Variants in LPP observed in about 807,000 individuals in gnomAD.
LPP encodes lipoma-preferred partner.
A neutral mutation model predicts 60.4 loss-of-function variants in LPP; 38 were observed. The observed-to-expected ratio is 0.63, with a 90% CI of 0.49 to 0.83. The LOEUF is 0.83. Ranked by LOEUF, LPP falls within the 40% of genes least tolerant of loss-of-function variation. The probability of loss-of-function intolerance (pLI) is 0.00; values close to 1 mark genes in which losing one functional copy is unlikely to be tolerated. For missense variants in LPP, 902 were observed against 783.6 expected, an observed-to-expected ratio of 1.15 and a Z score of -1.80; for synonymous variants, 328 against 290.8, an observed-to-expected ratio of 1.13 and a Z score of -1.30.
At chr3:188,295,367 C>T (rs1747514963) in intron 2 of LPP, among the ~76,000 whole-genome samples, 2 of 152,166 alleles carry the variant, frequency 1.3e-5, no homozygotes, top group South Asian at 2.1e-4. Flanking sequence ...GTAATTCTAA[C>T]AATCCTCAGG....
intron 2 of LPP, among the ~76,000 whole-genome samples, chr3:188,289,979 G>T (rs1467555088): frequency 6.6e-6 from 1 of 151,606 alleles, no homozygotes; most frequent in African/African-American, 2.4e-5. Flanking sequence ...TCTTGGAAGT[G>T]CTCATAAACA....
intron 7 of LPP, among the ~76,000 whole-genome samples, chr3:188,671,924 T>G (rs527533194): frequency 1.3e-5 from 2 of 152,354 alleles, no homozygotes; most frequent in South Asian, 4.1e-4. Context: ...TTACTGCATT[T>G]GTGGAGCATC....
chr3:188,726,080 AACTC>A (rs1485981438), intron 8 of LPP, among the ~76,000 whole-genome samples: 1 of 152,164 alleles, frequency 6.6e-6, no homozygotes, highest in African/African-American at 2.4e-5. Flanking sequence ...AAAGTGTGGA[AACTC>A]CATGAAGGGT....
intron 2 of LPP, among the ~76,000 whole-genome samples, chr3:188,321,929 T>A (rs1188133988): frequency 6.6e-6 from 1 of 152,198 alleles, no homozygotes; most frequent in African/African-American, 2.4e-5. Context: ...ATGAAGAACA[T>A]TGATCCAAGT....
rs115486242 is a variant in LPP, at chr3:188,537,636, G to A, written c.429+12849G>A. On this transcript the variant is annotated intron_variant, in intron 6 of 11. Coordinates refer to ENST00000617246, the MANE Select transcript of LPP (RefSeq NM_001375462.1). ...AATCTATGGAAAGACATCTTCTGTT[G>A]ATTAGTTGCAAGATGTAATATTGTT... 2.5e-3 allele frequency among the ~76,000 whole-genome samples: 377 copies of A among 152,248 alleles called. 4 individuals are homozygous for A. Among genetic ancestry groups the A allele is most frequent in the African/African-American group, 8.7e-3 (362 of 41,556 alleles).
chr3:188,577,864 C>T (rs1403761660), intron 6 of LPP, among the ~76,000 whole-genome samples: 1 of 121,032 alleles, frequency 8.3e-6, no homozygotes. Context: ...TCTCTCTTTT[C>T]CTCTCCCCCT....
At chr3:188,231,112 T>C (rs1222597933) in intron 2 of LPP, among the ~76,000 whole-genome samples, 11 of 152,200 alleles carry the variant, frequency 7.2e-5, no homozygotes, top group African/African-American at 2.7e-4. Flanking sequence ...TCACAGTCTT[T>C]TTATAAGTTA....
chr3:188,159,681 A>G (rs1717612461), intron 1 of LPP, among the ~76,000 whole-genome samples: 2 of 152,186 alleles, frequency 1.3e-5, no homozygotes, highest in South Asian at 4.1e-4. Flanking sequence ...GACTGTTTTT[A>G]CTGCCCCAGA....
intron 6 of LPP, among the ~76,000 whole-genome samples, chr3:188,554,599 C>T (rs1008022467): frequency 3.9e-4 from 60 of 152,158 alleles, no homozygotes; most frequent in African/African-American, 1.4e-3. Context: ...CTTTCTAGTC[C>T]AGCACAGCTG....
chr3:188,628,692 C>T (rs1847303134), intron 7 of LPP, among the ~76,000 whole-genome samples: 1 of 152,028 alleles, frequency 6.6e-6, no homozygotes, highest in African/African-American at 2.4e-5. Flanking sequence ...TTGCTGGTAC[C>T]AATCGTACTA....
chr3:188,212,038 T>C (rs1324624851), intron 1 of LPP, among the ~76,000 whole-genome samples: 2 of 152,118 alleles, frequency 1.3e-5, no homozygotes, highest in Non-Finnish European at 2.9e-5. Flanking sequence ...TTTGTATTTT[T>C]AGTAGAGACC....
chr3:188,747,153 C>G (rs998592658), intron 8 of LPP, among the ~76,000 whole-genome samples: 4 of 152,134 alleles, frequency 2.6e-5, no homozygotes, highest in African/African-American at 9.7e-5. Context: ...TTTCATTGGT[C>G]CAGAAAGTGT....
intron 1 of LPP, among the ~76,000 whole-genome samples, chr3:188,160,484 G>GTT (rs1470491026): frequency 6.6e-6 from 1 of 152,268 alleles, no homozygotes; most frequent in East Asian, 1.9e-4. Flanking sequence ...GTGAACCACT[G>GTT]TGCCCAGCCC....
intron 8 of LPP, among the ~76,000 whole-genome samples, chr3:188,753,081 G>A (rs951279302): frequency 2.6e-5 from 4 of 152,126 alleles, no homozygotes; most frequent in Non-Finnish European, 5.9e-5. Flanking sequence ...AGAAACATGT[G>A]CTGATTGAGA....
chr3:188,696,222 A>ACTCTCTCT lies in LPP; in HGVS notation c.1114-12032_1114-12025dup, dbSNP rs147482649. On this transcript the variant is annotated intron_variant, in intron 7 of 11. Transcript: ENST00000617246. ...AATTCAAGCTCTTTAAGCACACAGT[A>ACTCTCTCT]CTCTCTCTCTCTCTCTCTCTGTCTC... 1.3e-3 allele frequency among the ~76,000 whole-genome samples: 196 copies of ACTCTCTCT among 148,850 alleles called. 1 individual carries two copies. The highest frequency in any genetic ancestry group is 2.3e-3 in the Non-Finnish European group (151 of 67,062).
In LPP at chr3:188,782,598, T is replaced by C. The variant is rs554196550; in HGVS notation, c.1410+22316T>C. On this transcript the variant is annotated intron_variant, in intron 9 of 11. Transcript: ENST00000617246. ...TAGAGATTTACCCTGAAGATACCTGTCATGTCATGCCTTCTCTGTCAAATA... is the reference window on the plus strand; with the variant it reads ...TAGAGATTTACCCTGAAGATACCTGCCATGTCATGCCTTCTCTGTCAAATA... Among the ~76,000 whole-genome samples the C allele has an allele frequency of 7.2e-5, 11 of 152,278 alleles. No homozygotes were observed. The South Asian group carries it at 2.3e-3, about 32-fold the overall frequency.
chr3:188,610,552 C>T lies in LPP; in HGVS notation c.1113+708C>T, dbSNP rs565009348. On this transcript the variant is annotated intron_variant, in intron 7 of 11. Transcript: ENST00000617246. This position sits in a 1 kb window ranked among gnomAD's most constrained non-coding sequence, Gnocchi z 4.4. ...ATCCTCCAGAAAGAATCTTATTCTT[C>T]AGCCTTTAGCACTATTAAGCAATGT... Among the ~76,000 whole-genome samples the T allele has an allele frequency of 6.6e-6, 1 of 152,352 alleles. No homozygotes were observed. The highest frequency in any genetic ancestry group is 1.9e-4 in the East Asian group (1 of 5,192).
chr3:188,512,573 A>AAATAAAT (rs1291180744), intron 5 of LPP, among the ~76,000 whole-genome samples: 2 of 151,014 alleles, frequency 1.3e-5, no homozygotes, highest in African/African-American at 4.9e-5. Context: ...ATAAATAAAT[A>AAATAAAT]AATAAATAAA....
intron 6 of LPP, among the ~76,000 whole-genome samples, chr3:188,579,309 A>T (rs1296422836): frequency 6.6e-6 from 1 of 152,190 alleles, no homozygotes; most frequent in Admixed American, 6.5e-5. Context: ...CAGTGGGAAG[A>T]ACACTGGGAA....
Sources: allele counts gnomAD v4.1 joint callset (sites outside exome capture counted in the v4.1 genomes callset), GRCh38; gene constraint gnomAD v4.1.1; non-coding constraint Gnocchi (gnomAD v3.1); transcripts MANE v1.5; gene names NCBI Gene and HGNC (gene_info 2026-07-23, HGNC 2026-07-21).